VARS1: variants seen among roughly 807,000 people sequenced by gnomAD.
VARS1 encodes the protein valine--tRNA ligase.
Under a neutral mutation model 161.0 loss-of-function variants are expected in VARS1, and 92 were observed. The ratio of observed to expected loss-of-function variants is 0.57; its 90% CI spans 0.48 to 0.68. The LOEUF is 0.68. VARS1 is among the 30% of genes least tolerant of loss of function. The probability of loss-of-function intolerance (pLI) is 0.00; values close to 1 mark genes in which losing one functional copy is unlikely to be tolerated. For missense variants in VARS1, 1,338 were observed against 1,695.9 expected (o/e 0.79, Z 3.71); for synonymous variants, 595 against 682.5 (o/e 0.87, Z 2.00).
rs752273148 is a variant in VARS1 at position 31,779,037 on chromosome 6, C to T, written c.3656G>A (p.Arg1219Gln). ...ATAGCCCGAGGCAGCACGGCGTTCC[C>T]GCAGACGCTGGGCCTGCCGCTGGGC... ...VEAQRQAQRL[R>Q]ERRAASGYPV... The change falls in exon 29 of 30, where the codon CGG (arginine) becomes CAG (glutamine). Residue 1219 changes from arginine to glutamine, a missense_variant. Physicochemically the swap from Arg to Gln is conservative, Grantham distance 43. Coordinates refer to ENST00000375663, the MANE Select transcript of VARS1 (RefSeq NM_006295.3). This position sits in a 1 kb window ranked among gnomAD's most constrained non-coding sequence, Gnocchi z 9.1. 1.1e-5 allele frequency: 18 copies of T among 1,612,786 alleles called. No individual in the cohort carries two copies. In the Middle Eastern group the frequency reaches 5.0e-4, roughly 45 times the overall value.
chr6:31,783,169 G>A lies in VARS1; in HGVS notation c.1689C>T (p.Asn563=), dbSNP rs756318001. 8 of 1,612,694 alleles carry A rather than the reference G, an allele frequency of 5.0e-6. No homozygotes were observed. Among genetic ancestry groups the A allele is most frequent in the Admixed American group, 1.7e-5 (1 of 59,968 alleles). The stretch of plus-strand genomic sequence containing the variant: ...TCCGAGACAGGAATGGGTGGATCAC[G>A]TTCTTCCCCTTCAGGTGCTGGGGGC... ...DTRYQHLKGK[N]VIHPFLSRSL... is the part of the protein sequence containing the mutation. The change falls in exon 14 of 30, where the codon AAC becomes AAT. Residue 563 remains asparagine (N), a synonymous_variant. Transcript: ENST00000375663.
rs546123534 is a variant in VARS1, at chr6:31,790,532, G to A, written c.1100+1078C>T. ...CAAGAGAATCGCTTGAACCTAGGAGGTGGAGGTTGCGGTGAGCCGAGATCA... is the reference window on the plus strand; with the variant it reads ...CAAGAGAATCGCTTGAACCTAGGAGATGGAGGTTGCGGTGAGCCGAGATCA... On this transcript the variant is annotated intron_variant, in intron 8 of 29. Coordinates refer to ENST00000375663, the MANE Select transcript of VARS1 (RefSeq NM_006295.3). Among the ~76,000 whole-genome samples, 355 of 149,216 alleles carry A rather than the reference G, an allele frequency of 2.4e-3. 3 individuals are homozygous for A. Among genetic ancestry groups the A allele is most frequent in the African/African-American group, 7.9e-3 (319 of 40,398 alleles).
rs200831491 is a variant in VARS1 at position 31,795,171 on chromosome 6, A to C, written c.47T>G (p.Leu16Arg). The C allele has an allele frequency of 2.7e-4, 392 of 1,476,254 alleles. No individual in the cohort carries two copies. Among genetic ancestry groups the C allele is most frequent in the Non-Finnish European group, 3.1e-4 (344 of 1,114,200 alleles). The allele number at this position is 1,476,254 out of a possible 1,614,324, so 91.4% of individuals were successfully genotyped here. ...ATAGCGAGCGGCTATGAGGGCTCGGAGGCTGGGGAAGGCATCTGGGTGAGG... is the reference window on the plus strand; with the variant it reads ...ATAGCGAGCGGCTATGAGGGCTCGGCGGCTGGGGAAGGCATCTGGGTGAGG... ...VSPHPDAFPS[L>R]RALIAARYGE... The change falls in exon 2 of 30, where the codon CTC becomes CGC. Residue 16 changes from leucine (L) to arginine (R), a missense_variant. Coordinates refer to ENST00000375663, the MANE Select transcript of VARS1 (RefSeq NM_006295.3). The surrounding 1 kb of genome is among the most constrained non-coding windows in gnomAD (Gnocchi z 6.9).
In VARS1 at chr6:31,795,186, T is replaced by A; in HGVS notation, c.32A>T (p.Asp11Val). Residue 11 changes from aspartate to valine, a missense_variant, in exon 2 of 30, where the codon GAT becomes GTT. Physicochemically the swap from Asp to Val is radical, Grantham distance 152. This residue lies in a region of VARS1 where 902 missense variants were observed against 1,090.3 expected (regional missense o/e 0.83). Transcript: ENST00000375663. This position sits in a 1 kb window ranked among gnomAD's most constrained non-coding sequence, Gnocchi z 6.9. ...GAGGGCTCGGAGGCTGGGGAAGGCA[T>A]CTGGGTGAGGGGAGACGTAGAGGGT... MSTLYVSPHP[D>V]AFPSLRALIA... is the part of the protein sequence containing the mutation. 1 of 1,473,162 alleles carries A rather than the reference T, an allele frequency of 6.8e-7. No individual in the cohort carries two copies. Among genetic ancestry groups the A allele is most frequent in the Non-Finnish European group, 9.0e-7 (1 of 1,113,356 alleles). The allele number at this position is 1,473,162 out of a possible 1,614,324, so 91.3% of individuals were successfully genotyped here. A position where few individuals can be genotyped will look rare whatever the true frequency, so the allele number is the denominator to read the frequency against.
At chr6:31,794,388 C>A (rs1814115616) in intron 2 of VARS1, among the ~76,000 whole-genome samples, 1 of 152,170 alleles carries the variant, frequency 6.6e-6, no homozygotes. Flanking sequence ...TACAATCTGG[C>A]AGGGTTATCT....
At position 31,795,291 on chromosome 6, in the gene VARS1, G is replaced by A. The variant is rs1020464293; in HGVS notation, c.-33-41C>T. ...GACAGGGGAAGACTGCGGGATCGAG[G>A]TGGGTCCTATGTTTGAGTAGAGAGG... is the stretch of plus-strand genomic sequence containing the variant. On this transcript the variant is annotated intron_variant, in intron 1 of 29. Transcript: ENST00000375663. The surrounding 1 kb of genome is among the most constrained non-coding windows in gnomAD (Gnocchi z 6.9). 2.3e-6 allele frequency: 3 copies of A among 1,327,926 alleles called. No individual in the cohort carries two copies. The highest frequency in any genetic ancestry group is 2.6e-5 in the East Asian group (1 of 39,184). The allele number at this position is 1,327,926 out of a possible 1,614,324, so 82.3% of individuals were successfully genotyped here. A position where few individuals can be genotyped will look rare whatever the true frequency, so the allele number is the denominator to read the frequency against.
In VARS1 at chr6:31,781,208, C is replaced by T; in HGVS notation, c.2545-85G>A. 4 of 1,478,160 alleles carry T rather than the reference C, an allele frequency of 2.7e-6. No individual in the cohort carries two copies. In the South Asian group the frequency reaches 4.6e-5, roughly 17 times the overall value. The allele number at this position is 1,478,160 out of a possible 1,614,324, so 91.6% of individuals were successfully genotyped here. A position where few individuals can be genotyped will look rare whatever the true frequency, so the allele number is the denominator to read the frequency against. On this transcript the variant is annotated intron_variant, in intron 21 of 29. Transcript: ENST00000375663. This position sits in a 1 kb window ranked among gnomAD's most constrained non-coding sequence, Gnocchi z 6.8. ...CCCGACCAGGACTGTGTCTGGTCTA[C>T]CCCACTGTGAACCTCAGGTCCCACT... is the stretch of plus-strand genomic sequence containing the variant.
chr6:31,788,497 A>G (rs1175306927), intron 8 of VARS1, among the ~76,000 whole-genome samples: 1 of 140,250 alleles, frequency 7.1e-6, no homozygotes, highest in Non-Finnish European at 1.6e-5. Context: ...TCTGTCTCAA[A>G]AAAACAAAAA....
In VARS1 at chr6:31,785,784, G is replaced by A. The variant is rs577631836; in HGVS notation, c.1101-51C>T. ...GGGTGAGCCAGGCCAGTGGGGCCTG[G>A]CACCAAAGAAAGCAGAGGCTTCAGG... On this transcript the variant is annotated intron_variant, in intron 8 of 29. Transcript: ENST00000375663. The surrounding 1 kb of genome is among the most constrained non-coding windows in gnomAD (Gnocchi z 6.1). 65 of 1,548,616 alleles carry A rather than the reference G, an allele frequency of 4.2e-5. No homozygotes were observed. The East Asian group carries it at 1.5e-3, about 35-fold the overall frequency.
In VARS1 at chr6:31,779,287, G is replaced by A; in HGVS notation, c.3406C>T (p.Leu1136=). ...CCCGTGGCCTCATCCGCCACTTCCA[G>A]GAAACCTGCCAGGGAGGGAGAAAGG... ...NLTRIRPDCF[L]EVADEATGAL... is the part of the protein sequence containing the mutation. Residue 1136 remains leucine, a synonymous_variant, in exon 29 of 30, where the codon CTG becomes TTG. Transcript: ENST00000375663. The surrounding 1 kb of genome is among the most constrained non-coding windows in gnomAD (Gnocchi z 9.1). 6.2e-7 allele frequency: 1 copy of A among 1,602,902 alleles called. No individual in the cohort carries two copies.
chr6:31,794,826 C>T lies in VARS1; in HGVS notation c.387+5G>A, dbSNP rs771283951. ...CCCTCCCCCTCTTCTGTACAACCCC[C>T]TCACCTGGGGGTCCTGGGCCGAGCT... On this transcript the variant is annotated splice_donor_5th_base_variant and intron_variant, in intron 2 of 29. Transcript: ENST00000375663. The T allele has an allele frequency of 2.5e-6, 4 of 1,587,676 alleles. No homozygotes were observed. Among genetic ancestry groups the T allele is most frequent in the Non-Finnish European group, 8.6e-7 (1 of 1,163,216 alleles).
In VARS1 at chr6:31,794,878, C is replaced by T. The variant is rs753813335; in HGVS notation, c.340G>A (p.Ala114Thr). Reference sequence around the variant, plus strand: ...CGGAGTCCCAGGGCCGGCAGCGTTGCTCCACAGGCAGCTGGTATTAACTCC... The same window carrying T: ...CGGAGTCCCAGGGCCGGCAGCGTTGTTCCACAGGCAGCTGGTATTAACTCC... Reference protein sequence around the residue: ...DTELIPAACGATLPALGLRSS... With the variant: ...DTELIPAACGTTLPALGLRSS... The change falls in exon 2 of 30, where the codon GCA becomes ACA. Residue 114 changes from alanine to threonine, a missense_variant. By Grantham distance (58) the Ala-to-Thr change is moderately conservative. This residue lies in a region of VARS1 where 902 missense variants were observed against 1,090.3 expected (regional missense o/e 0.83). Coordinates refer to ENST00000375663, the MANE Select transcript of VARS1 (RefSeq NM_006295.3). 2 of 1,611,760 alleles carry T rather than the reference C, an allele frequency of 1.2e-6. No homozygotes were observed. The highest frequency in any genetic ancestry group is 1.7e-6 in the Non-Finnish European group (2 of 1,179,216).
Position 31,779,296 on chromosome 6 carries a change from C to A in VARS1, c.3401-4G>T. 6.2e-7 allele frequency: 1 copy of A among 1,602,118 alleles called. No individual in the cohort carries two copies. Among genetic ancestry groups the A allele is most frequent in the South Asian group, 1.1e-5 (1 of 90,930 alleles). Reference sequence around the variant, plus strand: ...TCATCCGCCACTTCCAGGAAACCTGCCAGGGAGGGAGAAAGGTGAGGCCTA... The same window carrying A: ...TCATCCGCCACTTCCAGGAAACCTGACAGGGAGGGAGAAAGGTGAGGCCTA... On this transcript the variant is annotated splice_polypyrimidine_tract_variant and splice_region_variant and intron_variant, in intron 28 of 29. Coordinates refer to ENST00000375663, the MANE Select transcript of VARS1 (RefSeq NM_006295.3). The surrounding 1 kb of genome is among the most constrained non-coding windows in gnomAD (Gnocchi z 9.1).
rs759494295 is a variant in VARS1 at position 31,780,055 on chromosome 6, C to T, written c.3024G>A (p.Pro1008=). ...AGCTGTACTGGGCAGTGGTGACGGC[C>T]GGGAAGTCGTAGGCCTGGAAGCCTT... ...SNQGFQAYDF[P]AVTTAQYSFW... Residue 1008 remains proline, a synonymous_variant, in exon 26 of 30, where the codon CCG becomes CCA. Transcript: ENST00000375663. The surrounding 1 kb of genome is among the most constrained non-coding windows in gnomAD (Gnocchi z 5.1). 184 of 1,613,984 alleles carry T rather than the reference C, an allele frequency of 1.1e-4. No homozygotes were observed. The highest frequency in any genetic ancestry group is 1.5e-4 in the Non-Finnish European group (180 of 1,180,048).
Position 31,791,827 on chromosome 6 carries a change from C to T in VARS1, c.972+44G>A. ...CAACACATCCTTCAGTCCTGCCCTT[C>T]CCCACCCCACCCACTCTGGGCCTGG... On this transcript the variant is annotated intron_variant, in intron 7 of 29. Coordinates refer to ENST00000375663, the MANE Select transcript of VARS1 (RefSeq NM_006295.3). The surrounding 1 kb of genome is among the most constrained non-coding windows in gnomAD (Gnocchi z 5.0). The T allele has an allele frequency of 6.2e-7, 1 of 1,612,244 alleles. No individual in the cohort carries two copies. Among genetic ancestry groups the T allele is most frequent in the Non-Finnish European group, 8.5e-7 (1 of 1,179,524 alleles).
intron 6 of VARS1, 74 bp downstream of exon 6, chr6:31,792,143 G>T (rs1161192200): frequency 6.4e-7 from 1 of 1,570,330 alleles, no homozygotes; most frequent in African/African-American, 1.4e-5. Context: ...AGTGGTGAGA[G>T]CAAGAATAGA....
Position 31,795,037 on chromosome 6 carries a change from C to T in VARS1, c.181G>A (p.Glu61Lys), listed in dbSNP as rs746631390. 6.4e-7 allele frequency: 1 copy of T among 1,561,602 alleles called. No homozygotes were observed. Among genetic ancestry groups the T allele is most frequent in the Non-Finnish European group, 8.7e-7 (1 of 1,150,380 alleles). ...PFPPPRLPALEQGPGGLWVWG... is the reference protein window; with the variant it reads ...PFPPPRLPALKQGPGGLWVWG... ...ACCCAGAGCCCACCGGGCCCCTGCT[C>T]CAGGGCCGGCAGGCGGGGTGGGGGA... Residue 61 changes from glutamate to lysine, a missense_variant, in exon 2 of 30, where the codon GAG (glutamate) becomes AAG (lysine). Glu to Lys is a moderately conservative substitution (Grantham distance 56). Around this residue, in one of 3 missense-constraint regions of VARS1, gnomAD observed 902 missense variants for 1,090.3 expected, o/e 0.83. Transcript: ENST00000375663. The surrounding 1 kb of genome is among the most constrained non-coding windows in gnomAD (Gnocchi z 6.9).
In VARS1 at chr6:31,783,157, T is replaced by A; in HGVS notation, c.1701A>T (p.Pro567=). 1.9e-6 allele frequency: 3 copies of A among 1,612,528 alleles called. No homozygotes were observed. The South Asian group carries it at 3.3e-5, about 18-fold the overall frequency. Residue 567 remains proline, a synonymous_variant, in exon 14 of 30, where the codon CCA becomes CCT. Coordinates refer to ENST00000375663, the MANE Select transcript of VARS1 (RefSeq NM_006295.3). ...CAATGGGAAGGCTCCGAGACAGGAATGGGTGGATCACGTTCTTCCCCTTCA... is the reference window on the plus strand; with the variant it reads ...CAATGGGAAGGCTCCGAGACAGGAAAGGGTGGATCACGTTCTTCCCCTTCA... ...QHLKGKNVIH[P]FLSRSLPIVF...
rs754789870 is a variant in VARS1, at chr6:31,782,430, C to T, written c.2005G>A (p.Val669Met). ...VVPLCNRSKD[V>M]VEPLLRPQWY... ...TGCGGCCGCAGCAGAGGCTCTACCA[C>T]GTCCTTCGACCGGCTGGGGGTACAC... Residue 669 changes from valine (V) to methionine (M), a missense_variant, in exon 17 of 30, where the codon GTG becomes ATG. Val to Met is a conservative substitution (Grantham distance 21). Around this residue, in one of 3 missense-constraint regions of VARS1, gnomAD observed 902 missense variants for 1,090.3 expected, o/e 0.83. Transcript: ENST00000375663. The surrounding 1 kb of genome is among the most constrained non-coding windows in gnomAD (Gnocchi z 8.3). 14 of 1,612,230 alleles carry T rather than the reference C, an allele frequency of 8.7e-6. No homozygotes were observed. The highest frequency in any genetic ancestry group is 1.1e-5 in the Non-Finnish European group (13 of 1,179,620).
Sources: allele counts gnomAD v4.1 joint callset (sites outside exome capture counted in the v4.1 genomes callset), GRCh38; gene constraint gnomAD v4.1.1; regional missense constraint gnomAD v4.1.1; non-coding constraint Gnocchi (gnomAD v3.1); transcripts MANE v1.5; gene names NCBI Gene and HGNC (gene_info 2026-07-23, HGNC 2026-07-21).